The following MYO18B variants were observed in gnomAD, a reference collection of about 807,000 sequenced individuals.
The protein encoded by MYO18B is myosin XVIIIB.
In MYO18B, 204 loss-of-function variants were observed where a neutral mutation model predicts 273.0. That is an observed-to-expected ratio of 0.75 (90% CI 0.67 to 0.84). The LOEUF (loss-of-function observed/expected upper bound fraction) is 0.84. MYO18B is among the 40% of genes least tolerant of loss of function. The probability of loss-of-function intolerance (pLI) is 0.00; values close to 1 mark genes in which losing one functional copy is unlikely to be tolerated. For synonymous variants in MYO18B, 1,330 were observed against 1,305.7 expected (o/e 1.02, Z -0.40); for missense variants, 3,212 against 3,287.6 (o/e 0.98, Z 0.56).
chr22:25,963,610 G>A (rs751577194), intron 39 of MYO18B, among the ~76,000 whole-genome samples: 7 of 149,890 alleles, frequency 4.7e-5, no homozygotes, highest in Non-Finnish European at 8.9e-5. Flanking sequence ...GTCCCATTCT[G>A]AGTTTTTAGG....
In MYO18B at chr22:25,908,217, T is replaced by A. The variant is rs137952429; in HGVS notation, c.5149-105T>A. The A allele has an allele frequency of 2.8e-5, 24 of 862,234 alleles. No homozygotes were observed. The East Asian group carries it at 5.8e-4, about 21-fold the overall frequency. 53.4% of individuals were successfully genotyped at this position (862,234 alleles called of 1,614,324 possible). A position where few individuals can be genotyped will look rare whatever the true frequency, so the allele number is the denominator to read the frequency against. Reference sequence around the variant, plus strand: ...AGGGCAATAACTTGACTCTCATTTATGTATTCCAAAAATGAGAAATGCAAT... The same window carrying A: ...AGGGCAATAACTTGACTCTCATTTAAGTATTCCAAAAATGAGAAATGCAAT... On this transcript the variant is annotated intron_variant, in intron 31 of 43. Transcript: ENST00000335473.
At chr22:25,798,497 G>A (rs1432638445) in intron 12 of MYO18B, among the ~76,000 whole-genome samples, 1 of 152,076 alleles carries the variant, frequency 6.6e-6, no homozygotes, top group African/African-American at 2.4e-5. Context: ...AGTACAGTAG[G>A]GCAGCTCTAG....
At chr22:25,815,677 C>A (rs978454183) in intron 12 of MYO18B, among the ~76,000 whole-genome samples, 6 of 152,172 alleles carry the variant, frequency 3.9e-5, no homozygotes, top group African/African-American at 1.4e-4. Context: ...GCTTCTTGAT[C>A]AAATTAGTTT....
intron 1 of MYO18B, among the ~76,000 whole-genome samples, chr22:25,759,727 A>C (rs2086241765): frequency 6.6e-6 from 1 of 152,230 alleles, no homozygotes. Context: ...AAGGAAATAT[A>C]GTAATTGTAT....
rs1411796606 is a variant in MYO18B, at chr22:25,839,180, GTA to G, written c.3208+3739_3208+3740del. ...TATGTGTGTGCATGTGTGTATATAT[GTA>G]TGAGTGTGTTTGTATATGTGTGCAC... is the stretch of plus-strand genomic sequence containing the variant. On this transcript the variant is annotated intron_variant, in intron 17 of 43. Coordinates refer to ENST00000335473, the MANE Select transcript of MYO18B (RefSeq NM_032608.7). 4.6e-5 allele frequency among the ~76,000 whole-genome samples: 7 copies of G among 151,952 alleles called. No homozygotes were observed. The South Asian group carries it at 1.5e-3, about 32-fold the overall frequency.
chr22:25,759,650 C>T (rs1241556194), intron 1 of MYO18B, among the ~76,000 whole-genome samples: 1 of 152,052 alleles, frequency 6.6e-6, no homozygotes, highest in Non-Finnish European at 1.5e-5. Flanking sequence ...CACATATATC[C>T]CAGAACTTAA....
rs59622689 is a variant in MYO18B, at chr22:25,948,407, T to TTTCCTTCCTTCC, written c.5748+623_5748+634dup. ...ATCATTTTCTTTTCTTTTTCCTGTC[T>TTTCCTTCCTTCC]TTCCTTCCTTCCTTCCTTCCTTCCT... On this transcript the variant is annotated intron_variant, in intron 36 of 43. Coordinates refer to ENST00000335473, the MANE Select transcript of MYO18B (RefSeq NM_032608.7). Among the ~76,000 whole-genome samples, 162 of 118,052 alleles carry TTTCCTTCCTTCC rather than the reference T, an allele frequency of 1.4e-3. 1 individual carries two copies. Among genetic ancestry groups the TTTCCTTCCTTCC allele is most frequent in the East Asian group, 0.012 (45 of 3,746 alleles). The allele number at this position is 118,052 out of a possible 152,430, so 77.4% of individuals were successfully genotyped here.
chr22:25,745,201 C>T (rs558946382), intron 1 of MYO18B, among the ~76,000 whole-genome samples: 10 of 152,190 alleles, frequency 6.6e-5, no homozygotes, highest in Non-Finnish European at 1.0e-4. Flanking sequence ...CCTCTGCCTC[C>T]GAGGTTTAAG....
chr22:25,942,957 A>G (rs2092661880), intron 34 of MYO18B, among the ~76,000 whole-genome samples: 1 of 152,100 alleles, frequency 6.6e-6, no homozygotes, highest in South Asian at 2.1e-4. Context: ...CCATTATGCC[A>G]TCTATAAAAT....
At chr22:25,958,655 A>G (rs1469499070) in intron 39 of MYO18B, among the ~76,000 whole-genome samples, 1 of 152,188 alleles carries the variant, frequency 6.6e-6, no homozygotes, top group Admixed American at 6.5e-5. Context: ...GAAGTTACAC[A>G]GTGTGCCCAA....
At chr22:25,886,237 TTAG>T (rs1237138049) in intron 25 of MYO18B, among the ~76,000 whole-genome samples, 10 of 152,200 alleles carry the variant, frequency 6.6e-5, no homozygotes, top group African/African-American at 2.4e-4. Flanking sequence ...TATATGTTAC[TTAG>T]TAGCGAGTGG....
intron 1 of MYO18B, among the ~76,000 whole-genome samples, chr22:25,758,249 G>A (rs1052617630): frequency 2.0e-5 from 3 of 151,888 alleles, no homozygotes; most frequent in Admixed American, 6.6e-5. Context: ...CCTGACCTCG[G>A]GATCCACGCA....
chr22:25,885,411 G>A (rs767996410), intron 25 of MYO18B, among the ~76,000 whole-genome samples: 3 of 152,146 alleles, frequency 2.0e-5, no homozygotes, highest in Admixed American at 6.5e-5. Context: ...AGGGCTTCAC[G>A]GGGGAGAAGT....
intron 40 of MYO18B, among the ~76,000 whole-genome samples, chr22:25,996,985 A>C (rs1933322234): frequency 6.6e-6 from 1 of 152,136 alleles, no homozygotes; most frequent in Non-Finnish European, 1.5e-5. Context: ...CCAGTGCCCC[A>C]GGCAGGATTG....
At chr22:25,754,362 C>T (rs780136272) in intron 1 of MYO18B, among the ~76,000 whole-genome samples, 1 of 152,100 alleles carries the variant, frequency 6.6e-6, no homozygotes, top group Non-Finnish European at 1.5e-5. Flanking sequence ...GGGAGGGTCG[C>T]TAGGACAGGT....
intron 22 of MYO18B, among the ~76,000 whole-genome samples, chr22:25,873,549 T>G (rs905000104): frequency 2.0e-5 from 3 of 152,226 alleles, no homozygotes; most frequent in Non-Finnish European, 2.9e-5. Context: ...CAAGCGATTC[T>G]CCTGCCTCAG....
chr22:25,753,185 C>T (rs2146546615), intron 1 of MYO18B, among the ~76,000 whole-genome samples: 1 of 152,206 alleles, frequency 6.6e-6, no homozygotes, highest in African/African-American at 2.4e-5. Context: ...GTGGCCCCAG[C>T]GCAAGATCCA....
intron 34 of MYO18B, among the ~76,000 whole-genome samples, chr22:25,934,508 A>G (rs5761324): frequency 0.34 from 51,584 of 151,916 alleles, 9,407 homozygotes; most frequent in African/African-American, 0.47. Flanking sequence ...TTATTTCTCC[A>G]AGGTTGAGGA....
At chr22:25,895,338 C>T in intron 28 of MYO18B, 58 bp downstream of exon 28, 1 of 1,542,702 alleles carries the variant, frequency 6.5e-7, no homozygotes, top group Non-Finnish European at 8.8e-7. Flanking sequence ...AGGCTCTCAC[C>T]TCCACTGTGG....
Sources: gnomAD v4.1 joint callset for allele counts (sites outside exome capture counted in the v4.1 genomes callset) on GRCh38, gnomAD v4.1.1 for gene constraint, MANE v1.5 for transcripts, NCBI Gene and HGNC (gene_info 2026-07-23, HGNC 2026-07-21) for gene names.